The following NRG1 variants were observed in gnomAD, a reference collection of about 807,000 sequenced individuals.
NRG1 encodes the protein pro-neuregulin-1, membrane-bound isoform.
In NRG1, 18 loss-of-function variants were observed where a neutral mutation model predicts 63.8. The observed-to-expected ratio is 0.28, with a 90% CI of 0.19 to 0.42. The LOEUF (loss-of-function observed/expected upper bound fraction) is 0.42. NRG1 is among the 10% of genes least tolerant of loss of function. The pLI is 1.00. For missense variants in NRG1, 762 were observed against 814.7 expected, an observed-to-expected ratio of 0.94 and a Z score of 0.79; for synonymous variants, 302 against 301.3, an observed-to-expected ratio of 1.00 and a Z score of -0.02.
chr8:31,967,493 G>A (rs1481759660), intron 1 of NRG1, among the ~76,000 whole-genome samples: 1 of 152,144 alleles, frequency 6.6e-6, no homozygotes, highest in Non-Finnish European at 1.5e-5. Context: ...AATGGTCAGG[G>A]CTGAAAGCAA....
rs59551293 is a variant in NRG1 at position 32,055,672 on chromosome 8, C to CT, written c.37+416255dup. Among the ~76,000 whole-genome samples the CT allele has an allele frequency of 1.8e-3, 249 of 137,398 alleles. 2 individuals carry two copies. Among genetic ancestry groups the CT allele is most frequent in the African/African-American group, 4.5e-3 (176 of 38,792 alleles). 90.1% of individuals were successfully genotyped at this position (137,398 alleles called of 152,430 possible). ...GGAAGGTATACTACATATTTTGACACTTTTTTTTTTTTTTGCTTTCAATAG... is the reference window on the plus strand; with the variant it reads ...GGAAGGTATACTACATATTTTGACACTTTTTTTTTTTTTTTGCTTTCAATAG... On this transcript the variant is annotated intron_variant, in intron 1 of 10. Coordinates refer to the NRG1 transcript ENST00000519301.
chr8:32,157,294 G>A (rs1343902951), intron 1 of NRG1, among the ~76,000 whole-genome samples: 1 of 149,858 alleles, frequency 6.7e-6, no homozygotes, highest in East Asian at 2.0e-4. Flanking sequence ...GAACCTGGGA[G>A]GCAGAGGTTG....
Position 32,168,878 on chromosome 8 carries a change from C to G in NRG1, c.38-426950C>G, listed in dbSNP as rs1222914633. ...CCTTATTTATTTGCTTACTGTCTGT[C>G]TCTTCACTCTGAAATATAAATTCCA... On this transcript the variant is annotated intron_variant, in intron 1 of 10. Coordinates refer to the NRG1 transcript ENST00000519301. 3.3e-5 allele frequency among the ~76,000 whole-genome samples: 5 copies of G among 152,158 alleles called. No individual in the cohort carries two copies. The East Asian group carries it at 9.6e-4, about 29-fold the overall frequency.
intron 1 of NRG1, among the ~76,000 whole-genome samples, chr8:32,065,635 A>G (rs1010232955): frequency 1.3e-5 from 2 of 152,196 alleles, no homozygotes; most frequent in African/African-American, 4.8e-5. Context: ...GAATAGTGCC[A>G]CTATAAACAT....
At chr8:31,694,988 C>T (rs1554508195) in intron 1 of NRG1, among the ~76,000 whole-genome samples, 1 of 152,126 alleles carries the variant, frequency 6.6e-6, no homozygotes, top group Non-Finnish European at 1.5e-5. Context: ...TTACTTGAAA[C>T]TGAGTAATTT....
chr8:31,762,732 T>C (rs1394782149), intron 1 of NRG1, among the ~76,000 whole-genome samples: 1 of 152,220 alleles, frequency 6.6e-6, no homozygotes, highest in African/African-American at 2.4e-5. Context: ...TAAAGAATTC[T>C]TGATCCAGAT....
In NRG1 at chr8:32,254,372, C is replaced by T. The variant is rs112283185; in HGVS notation, c.38-341456C>T. Among the ~76,000 whole-genome samples the T allele has an allele frequency of 2.2e-4, 34 of 152,248 alleles. 1 individual carries two copies. The highest frequency in any genetic ancestry group is 3.4e-3 in the Middle Eastern group (1 of 294). ...TAGCTGTGTCCCAGATATTCTGGTACGCTGTGTCTTTGTTCTCATTGGTTT... is the reference window on the plus strand; with the variant it reads ...TAGCTGTGTCCCAGATATTCTGGTATGCTGTGTCTTTGTTCTCATTGGTTT... On this transcript the variant is annotated intron_variant, in intron 1 of 10. Transcript: ENST00000519301.
At chr8:32,215,367 T>G (rs970640450) in intron 1 of NRG1, among the ~76,000 whole-genome samples, 1 of 152,174 alleles carries the variant, frequency 6.6e-6, no homozygotes, top group Non-Finnish European at 1.5e-5. Flanking sequence ...ACAACCAGCA[T>G]AGACTGGACT....
intron 1 of NRG1, among the ~76,000 whole-genome samples, chr8:31,704,613 A>G (rs983395541): frequency 2.6e-5 from 4 of 151,974 alleles, no homozygotes; most frequent in African/African-American, 9.7e-5. Context: ...CAGGCGGATC[A>G]TGAGGTCAGG....
intron 1 of NRG1, among the ~76,000 whole-genome samples, chr8:32,313,106 G>GATCGTACC (rs1294178590): frequency 1.3e-5 from 2 of 152,196 alleles, no homozygotes; most frequent in Non-Finnish European, 2.9e-5. Flanking sequence ...AGTGAGCTGA[G>GATCGTACC]ATCGTACCAC....
chr8:32,362,611 A>G (rs1314036927), intron 1 of NRG1, among the ~76,000 whole-genome samples: 1 of 152,202 alleles, frequency 6.6e-6, no homozygotes, highest in East Asian at 1.9e-4. Flanking sequence ...GACAATCACA[A>G]TCTTGTAAGT....
chr8:32,646,744 G>A, intron 5 of NRG1: 1 of 985,364 alleles, frequency 1.0e-6, no homozygotes, highest in Non-Finnish European at 1.2e-6. Context: ...CTTAACTGAT[G>A]CCTGCCTGCC....
At chr8:32,293,427 G>A (rs191077550) in intron 1 of NRG1, among the ~76,000 whole-genome samples, 20 of 152,232 alleles carry the variant, frequency 1.3e-4, no homozygotes, top group East Asian at 5.8e-4. Context: ...TGGAGCCTCC[G>A]GAGGAAGCAG....
intron 1 of NRG1, among the ~76,000 whole-genome samples, chr8:32,402,911 G>T (rs184125672): frequency 3.9e-5 from 6 of 152,238 alleles, no homozygotes; most frequent in African/African-American, 1.4e-4. Context: ...GATAAGGGGG[G>T]ATTACTCTAT....
At chr8:31,833,574 T>C (rs1326689010) in intron 1 of NRG1, among the ~76,000 whole-genome samples, 1 of 152,204 alleles carries the variant, frequency 6.6e-6, no homozygotes, top group African/African-American at 2.4e-5. Context: ...CAGTGGTTGC[T>C]CAATAGGTTT....
chr8:32,406,494 G>C (rs1000464425), intron 1 of NRG1, among the ~76,000 whole-genome samples: 2 of 152,108 alleles, frequency 1.3e-5, no homozygotes, highest in Non-Finnish European at 2.9e-5. Flanking sequence ...TGCAAGCACT[G>C]TATATATCCT....
chr8:31,712,991 A>G (rs112218995), intron 1 of NRG1, among the ~76,000 whole-genome samples: 2 of 37,164 alleles, frequency 5.4e-5, no homozygotes, highest in Non-Finnish European at 6.5e-5. Flanking sequence ...CCACCCATCC[A>G]TCCATCCATC....
chr8:32,216,732 C>T (rs1845267847), intron 1 of NRG1, among the ~76,000 whole-genome samples: 1 of 150,626 alleles, frequency 6.6e-6, no homozygotes, highest in South Asian at 2.1e-4. Context: ...TTTATGATGA[C>T]ATTATTGTGA....
chr8:32,374,146 TA>T (rs1384642096), intron 1 of NRG1, among the ~76,000 whole-genome samples: 1 of 152,170 alleles, frequency 6.6e-6, no homozygotes, highest in Non-Finnish European at 1.5e-5. Flanking sequence ...ACAAGTTGAA[TA>T]CAAAACTTCG....
Sources: gnomAD v4.1 joint callset for allele counts (sites outside exome capture counted in the v4.1 genomes callset) on GRCh38, gnomAD v4.1.1 for gene constraint, MANE v1.5 for transcripts, NCBI Gene and HGNC (gene_info 2026-07-23, HGNC 2026-07-21) for gene names.